Variants in NBEA observed in about 807,000 individuals in gnomAD.
The protein encoded by NBEA is lysosomal-trafficking regulator 2.
Under a neutral mutation model 343.4 loss-of-function variants are expected in NBEA, and 44 were observed. The observed-to-expected ratio is 0.13, with a 90% CI of 0.10 to 0.16. NBEA has a LOEUF of 0.16. NBEA is among the 10% of genes least tolerant of loss of function. The pLI is 1.00. For missense variants in NBEA, 2,555 were observed against 3,631.3 expected, an observed-to-expected ratio of 0.70 and a Z score of 7.62; for synonymous variants, 1,175 against 1,238.7, an observed-to-expected ratio of 0.95 and a Z score of 1.08.
At chr13:35,110,579 C>G (rs1426754243) in intron 12 of NBEA, among the ~76,000 whole-genome samples, 2 of 151,698 alleles carry the variant, frequency 1.3e-5, no homozygotes, top group African/African-American at 4.8e-5. Flanking sequence ...TATTTAATTG[C>G]CACAGCTGTT....
chr13:35,620,565 TG>T (rs35464204), intron 48 of NBEA, among the ~76,000 whole-genome samples: 29,229 of 152,064 alleles, frequency 0.19, 3,112 homozygotes, highest in Non-Finnish European at 0.24. Context: ...ATAAGTACTT[TG>T]CCTTTTTACC....
chr13:35,076,361 A>T (rs770817333), intron 10 of NBEA, among the ~76,000 whole-genome samples: 2 of 152,072 alleles, frequency 1.3e-5, no homozygotes, highest in African/African-American at 2.4e-5. Flanking sequence ...GGTTAGTGAG[A>T]TTTAAGCAGA....
At chr13:35,276,105 G>T (rs2034565699) in intron 34 of NBEA, among the ~76,000 whole-genome samples, 1 of 152,222 alleles carries the variant, frequency 6.6e-6, no homozygotes, top group East Asian at 1.9e-4. Flanking sequence ...AGTATAAGAT[G>T]ACTTTATCCC....
At chr13:35,239,185 C>T (rs1297200575) in intron 34 of NBEA, among the ~76,000 whole-genome samples, 1 of 152,086 alleles carries the variant, frequency 6.6e-6, no homozygotes, top group Middle Eastern at 3.4e-3. Context: ...ACAATAACTA[C>T]AAGAACAATG....
intron 38 of NBEA, among the ~76,000 whole-genome samples, chr13:35,411,663 T>C (rs1594533075): frequency 6.6e-6 from 1 of 151,670 alleles, no homozygotes; most frequent in South Asian, 2.1e-4. Flanking sequence ...GTTGTTGTTG[T>C]TGTTGTTTAG....
intron 41 of NBEA, among the ~76,000 whole-genome samples, chr13:35,519,006 C>T (rs1047631019): frequency 1.3e-5 from 2 of 152,134 alleles, no homozygotes; most frequent in Admixed American, 1.3e-4. Flanking sequence ...TTTGATGCTT[C>T]GTTGTGAAAG....
intron 36 of NBEA, among the ~76,000 whole-genome samples, chr13:35,344,858 A>G (rs958651625): frequency 8.5e-5 from 13 of 152,220 alleles, no homozygotes; most frequent in African/African-American, 2.6e-4. Flanking sequence ...ACAAACTCCT[A>G]GAGATCAGAA....
At chr13:35,135,540 A>C (rs1593462951) in intron 17 of NBEA, among the ~76,000 whole-genome samples, 1 of 151,718 alleles carries the variant, frequency 6.6e-6, no homozygotes, top group Non-Finnish European at 1.5e-5. Context: ...GTAATAAATC[A>C]ATTTGTAAAC....
chr13:35,262,787 A>G (rs2152799193), intron 34 of NBEA, among the ~76,000 whole-genome samples: 1 of 152,298 alleles, frequency 6.6e-6, no homozygotes, highest in East Asian at 1.9e-4. Context: ...AATACTGATA[A>G]AAGACTTGTA....
rs1336357190 is a variant in NBEA, at chr13:35,452,150, C to T, written c.6363C>T (p.Asn2121=). 1.2e-6 allele frequency: 2 copies of T among 1,611,320 alleles called. No homozygotes were observed. Among genetic ancestry groups the T allele is most frequent in the East Asian group, 2.2e-5 (1 of 44,806 alleles). The part of the protein sequence containing the change: ...KKTFRSQAIV[N]QNAETELMLE... ...CATTCAGAAGTCAAGCAATAGTGAA[C>T]CAAAATGCAGAGACAGAACTTATGC... The change falls in exon 40 of 59, where the codon AAC becomes AAT. Residue 2121 remains asparagine, a synonymous_variant. Coordinates refer to ENST00000379939, the MANE Select transcript of NBEA (RefSeq NM_001385012.1).
intron 1 of NBEA, among the ~76,000 whole-genome samples, chr13:34,965,756 G>A (rs2059801110): frequency 6.6e-6 from 1 of 151,948 alleles, no homozygotes; most frequent in Admixed American, 6.6e-5. Context: ...TGGATGACAA[G>A]GGGTGGGAGG....
intron 1 of NBEA, among the ~76,000 whole-genome samples, chr13:35,010,092 G>A (rs1220700444): frequency 1.3e-5 from 2 of 152,132 alleles, no homozygotes; most frequent in South Asian, 2.1e-4. Context: ...GAGATGACAA[G>A]AAGTAAGTTA....
chr13:35,114,805 T>C (rs759941981), intron 13 of NBEA, among the ~76,000 whole-genome samples: 6 of 152,202 alleles, frequency 3.9e-5, no homozygotes, highest in Non-Finnish European at 8.8e-5. Flanking sequence ...TTTTAATACT[T>C]TGAAATTAAT....
At chr13:35,175,600 A>G (rs1330880503) in intron 27 of NBEA, among the ~76,000 whole-genome samples, 1 of 152,176 alleles carries the variant, frequency 6.6e-6, no homozygotes, top group Admixed American at 6.5e-5. Flanking sequence ...AACTTACTTG[A>G]GCTAATCAGT....
At chr13:35,591,489 A>G (rs1293889457) in intron 46 of NBEA, among the ~76,000 whole-genome samples, 1 of 152,092 alleles carries the variant, frequency 6.6e-6, no homozygotes, top group Non-Finnish European at 1.5e-5. Context: ...CTAAACAGCA[A>G]TATGGACTTC....
chr13:34,984,379 C>T (rs1264082371), intron 1 of NBEA, among the ~76,000 whole-genome samples: 1 of 152,064 alleles, frequency 6.6e-6, no homozygotes, highest in Non-Finnish European at 1.5e-5. Flanking sequence ...ATTTCTGAGG[C>T]CTCTGATCTG....
chr13:35,148,540 A>T (rs2068578123), intron 18 of NBEA, among the ~76,000 whole-genome samples: 1 of 152,168 alleles, frequency 6.6e-6, no homozygotes, highest in South Asian at 2.1e-4. Flanking sequence ...CATTGCAAAA[A>T]CTTGGAAAAT....
intron 8 of NBEA, among the ~76,000 whole-genome samples, chr13:35,064,403 G>A (rs938475549): frequency 9.9e-5 from 15 of 152,000 alleles, no homozygotes; most frequent in African/African-American, 3.4e-4. Flanking sequence ...GATACTGATT[G>A]TCAAATAGAC....
In NBEA at chr13:35,239,070, CAA is replaced by C. The variant is rs751032708; in HGVS notation, c.5776+6457_5776+6458del. Among the ~76,000 whole-genome samples the C allele has an allele frequency of 2.0e-5, 3 of 151,502 alleles. No individual in the cohort carries two copies. The East Asian group carries it at 5.8e-4, about 29-fold the overall frequency. ...TTATTGTTTTTAAATTACAATAATA[CAA>C]AAAAATGTACACAAGAAAATTGGGT... On this transcript the variant is annotated intron_variant, in intron 34 of 58. Transcript: ENST00000379939.
Sources: allele counts gnomAD v4.1 joint callset (sites outside exome capture counted in the v4.1 genomes callset), GRCh38; gene constraint gnomAD v4.1.1; transcripts MANE v1.5; gene names NCBI Gene and HGNC (gene_info 2026-07-23, HGNC 2026-07-21).